The following RNF10 variants were observed in gnomAD, a reference collection of about 807,000 sequenced individuals.
RNF10 encodes E3 ubiquitin-protein ligase RNF10.
In RNF10, 38 loss-of-function variants were observed where a neutral mutation model predicts 91.4. The observed-to-expected ratio is 0.42, with a 90% CI of 0.32 to 0.54. The LOEUF (loss-of-function observed/expected upper bound fraction) is 0.54. Among genes scored for constraint, RNF10 ranks in the 20% least tolerant of loss-of-function variants. The pLI, the probability that RNF10 is intolerant of heterozygous loss-of-function variation, is 0.16. For synonymous variants in RNF10, 364 were observed against 366.3 expected (o/e 0.99, Z 0.07); for missense variants, 945 against 1,012.0 (o/e 0.93, Z 0.90).
chr12:120,546,440 C>T lies in RNF10; in HGVS notation c.193C>T (p.Arg65Cys). The change falls in exon 2 of 17, where the codon CGC becomes TGC. Residue 65 changes from arginine to cysteine, a missense_variant. Coordinates refer to ENST00000325954, the MANE Select transcript of RNF10 (RefSeq NM_014868.5). The stretch of plus-strand genomic sequence containing the variant: ...CTCCAGTGGATCCAAGCGTTATAAT[C>T]GCAAACGTGAACTTTCCTACCCCAA... ...KNSSGSKRYNRKRELSYPKNE... is the reference protein window; with the variant it reads ...KNSSGSKRYNCKRELSYPKNE... 9 of 1,613,764 alleles carry T rather than the reference C, an allele frequency of 5.6e-6. No homozygotes were observed. Among genetic ancestry groups the T allele is most frequent in the Non-Finnish European group, 6.8e-6 (8 of 1,179,930 alleles).
intron 12 of RNF10, 57 bp downstream of exon 12, chr12:120,565,586 T>C: frequency 1.4e-6 from 2 of 1,475,552 alleles, no homozygotes; most frequent in Non-Finnish European, 1.9e-6. Context: ...TGTATAGAAC[T>C]CTGTGTCTGG....
intron 1 of RNF10, among the ~76,000 whole-genome samples, chr12:120,539,197 C>T (rs1871222374): frequency 6.6e-6 from 1 of 152,108 alleles, no homozygotes; most frequent in Non-Finnish European, 1.5e-5. Flanking sequence ...TCCTGTTTCA[C>T]AGAAAAGAAA....
intron 2 of RNF10, among the ~76,000 whole-genome samples, chr12:120,548,604 C>T (rs1027013876): frequency 1.3e-5 from 2 of 151,138 alleles, no homozygotes; most frequent in Non-Finnish European, 2.9e-5. Flanking sequence ...TAAAGGGGAG[C>T]AGAGATGTGA....
intron 14 of RNF10, among the ~76,000 whole-genome samples, chr12:120,573,156 C>T (rs947697612): frequency 1.4e-4 from 22 of 152,040 alleles, no homozygotes; most frequent in African/African-American, 4.8e-4. Flanking sequence ...GTGGGATATT[C>T]GCCTATAGAA....
intron 2 of RNF10, among the ~76,000 whole-genome samples, chr12:120,551,559 A>C (rs1873098558): frequency 6.6e-6 from 1 of 151,682 alleles, no homozygotes. Context: ...TCAGCCTCCC[A>C]AAGAGCTGGG....
At position 120,557,593 on chromosome 12, in the gene RNF10, C is replaced by A. The variant is rs200683852; in HGVS notation, c.878C>A (p.Thr293Lys). ...CAGTATGTTGTTGGTGATACCATTA[C>A]GATGCAGCTGATGAAGAGGGAGAAA... is the stretch of plus-strand genomic sequence containing the variant. ...SHQYVVGDTI[T>K]MQLMKREKGV... The change falls in exon 6 of 17, where the codon ACG becomes AAG. Residue 293 changes from threonine (T) to lysine (K), a missense_variant. Transcript: ENST00000325954. 6.2e-7 allele frequency: 1 copy of A among 1,613,994 alleles called. No individual in the cohort carries two copies. The highest frequency in any genetic ancestry group is 8.5e-7 in the Non-Finnish European group (1 of 1,180,010).
chr12:120,564,566 A>G (rs183578406), intron 10 of RNF10, among the ~76,000 whole-genome samples: 18 of 152,314 alleles, frequency 1.2e-4, no homozygotes, highest in Admixed American at 6.5e-4. Context: ...TCAAGTCTGC[A>G]GTGAGCTGGC....
In RNF10 at chr12:120,576,833, C is replaced by T. The variant is rs752729407; in HGVS notation, c.*167C>T. 1.2e-6 allele frequency: 1 copy of T among 823,484 alleles called. No individual in the cohort carries two copies. Among genetic ancestry groups the T allele is most frequent in the Non-Finnish European group, 1.9e-6 (1 of 537,036 alleles). The allele number at this position is 823,484 out of a possible 1,614,324, so 51.0% of individuals were successfully genotyped here. On this transcript the variant is annotated 3_prime_UTR_variant, in exon 17 of 17. Coordinates refer to ENST00000325954, the MANE Select transcript of RNF10 (RefSeq NM_014868.5). ...GGGGGAACCAAGAAAATTTTAAATA[C>T]AGTGTATTTTCCAGCTTCCTGTCTT...
Position 120,562,888 on chromosome 12 carries a change from A to G in RNF10, c.1129-57A>G, listed in dbSNP as rs1163240152. The G allele has an allele frequency of 1.9e-6, 3 of 1,609,650 alleles. No homozygotes were observed. In the East Asian group the frequency reaches 6.7e-5, roughly 36 times the overall value. ...GGCCATTCTAAGCCCTTGCCCTTCAAGCTAAGTGTGTGTCTGGAAACTTAA... is the reference window on the plus strand; with the variant it reads ...GGCCATTCTAAGCCCTTGCCCTTCAGGCTAAGTGTGTGTCTGGAAACTTAA... On this transcript the variant is annotated intron_variant, in intron 7 of 16. Transcript: ENST00000325954.
intron 13 of RNF10, 41 bp from the exon 14 acceptor site, chr12:120,571,150 G>A: frequency 7.1e-7 from 1 of 1,398,832 alleles, no homozygotes; most frequent in South Asian, 1.2e-5. Flanking sequence ...GACACCCCTT[G>A]GAACGTGACG....
At position 120,575,531 on chromosome 12, in the gene RNF10, T is replaced by C. The variant is rs1565975755; in HGVS notation, c.2143-100T>C. 2.4e-6 allele frequency: 3 copies of C among 1,237,118 alleles called. No individual in the cohort carries two copies. The East Asian group carries it at 7.0e-5, about 29-fold the overall frequency. The allele number at this position is 1,237,118 out of a possible 1,614,324, so 76.6% of individuals were successfully genotyped here. On this transcript the variant is annotated intron_variant, in intron 14 of 16. Coordinates refer to ENST00000325954, the MANE Select transcript of RNF10 (RefSeq NM_014868.5). ...ACCTGGAAAATCTTTTCAAAGGTGATAGTTGGTTCTGTGCCTCTCCAGTTA... is the reference window on the plus strand; with the variant it reads ...ACCTGGAAAATCTTTTCAAAGGTGACAGTTGGTTCTGTGCCTCTCCAGTTA...
chr12:120,551,024 C>T (rs893645963), intron 2 of RNF10, among the ~76,000 whole-genome samples: 3 of 152,068 alleles, frequency 2.0e-5, no homozygotes, highest in East Asian at 3.9e-4. Context: ...CTTGTGGTGT[C>T]GCCCAGGCTG....
At chr12:120,552,038 C>T (rs1873172967) in intron 2 of RNF10, among the ~76,000 whole-genome samples, 3 of 142,696 alleles carry the variant, frequency 2.1e-5, no homozygotes, top group Admixed American at 7.1e-5. Context: ...GAGCTGAGGT[C>T]GCGCCACTGC....
At position 120,546,521 on chromosome 12, in the gene RNF10, T is replaced by C; in HGVS notation, c.274T>C (p.Phe92Leu). 6.2e-7 allele frequency: 1 copy of C among 1,614,188 alleles called. No individual in the cohort carries two copies. Among genetic ancestry groups the C allele is most frequent in the Non-Finnish European group, 8.5e-7 (1 of 1,180,024 alleles). ...CTCCAGTTCACAGAAAAGCAAGACTTTTAACAAGATGCCTCCTCAAAGGGG... is the reference window on the plus strand; with the variant it reads ...CTCCAGTTCACAGAAAAGCAAGACTCTTAACAAGATGCCTCCTCAAAGGGG... ...RRSSSQKSKT[F>L]NKMPPQRGGG... is the part of the protein sequence containing the mutation. Residue 92 changes from phenylalanine (F) to leucine (L), a missense_variant, in exon 2 of 17, where the codon TTT (phenylalanine) becomes CTT (leucine). Coordinates refer to ENST00000325954, the MANE Select transcript of RNF10 (RefSeq NM_014868.5).
rs567371153 is a variant in RNF10 at position 120,565,821 on chromosome 12, C to T, written c.1885+292C>T. Among the ~76,000 whole-genome samples, 8 of 152,332 alleles carry T rather than the reference C, an allele frequency of 5.3e-5. No individual in the cohort carries two copies. The South Asian group carries it at 1.4e-3, about 28-fold the overall frequency. On this transcript the variant is annotated intron_variant, in intron 12 of 16. Transcript: ENST00000325954. ...CTTCGCTAAGAATGCTGGGGGCCAT[C>T]GTTCCCCATGCTCTCTGGATCACTG...
chr12:120,541,123 T>C (rs1001517577), intron 1 of RNF10, among the ~76,000 whole-genome samples: 2 of 152,154 alleles, frequency 1.3e-5, no homozygotes, highest in Non-Finnish European at 2.9e-5. Context: ...TCCCAAAGCA[T>C]TGGGATTATA....
chr12:120,565,506 A>T lies in RNF10; in HGVS notation c.1862A>T (p.Glu621Val). 1 of 1,613,990 alleles carries T rather than the reference A, an allele frequency of 6.2e-7. No homozygotes were observed. The highest frequency in any genetic ancestry group is 1.1e-5 in the South Asian group (1 of 91,068). Residue 621 changes from glutamate to valine, a missense_variant, in exon 12 of 17, where the codon GAG becomes GTG. Physicochemically the swap from Glu to Val is moderately radical, Grantham distance 121. Coordinates refer to ENST00000325954, the MANE Select transcript of RNF10 (RefSeq NM_014868.5). ...CGCCGAGAGCGCAGGATTGAGATAGAGGAGAACAAGAAACAGGGCAAGTGT... is the reference window on the plus strand; with the variant it reads ...CGCCGAGAGCGCAGGATTGAGATAGTGGAGAACAAGAAACAGGGCAAGTGT... ...ERRRERRIEI[E>V]ENKKQGKYPE...
chr12:120,574,458 G>A (rs1877104436), intron 14 of RNF10: 1 of 456,086 alleles, frequency 2.2e-6, no homozygotes, highest in Non-Finnish European at 4.4e-6. Flanking sequence ...TGATTTTATT[G>A]TCCTTGCAGG....
chr12:120,563,325 G>T lies in RNF10; in HGVS notation c.1255-22G>T. ...GAAAGCAGGAGATATCCTTTCTGTT[G>T]ACTTAGAGTTTGCTGCAACAGGGTG... On this transcript the variant is annotated intron_variant, in intron 8 of 16. Coordinates refer to ENST00000325954, the MANE Select transcript of RNF10 (RefSeq NM_014868.5). The T allele has an allele frequency of 1.9e-6, 3 of 1,594,216 alleles. No individual in the cohort carries two copies. The South Asian group carries it at 3.4e-5, about 18-fold the overall frequency.
Sources: allele counts gnomAD v4.1 joint callset (sites outside exome capture counted in the v4.1 genomes callset), GRCh38; gene constraint gnomAD v4.1.1; transcripts MANE v1.5; gene names NCBI Gene and HGNC (gene_info 2026-07-23, HGNC 2026-07-21).